The following LY96 variants were observed in gnomAD, a reference collection of about 807,000 sequenced individuals.
The protein encoded by LY96 is lymphocyte antigen 96.
In LY96, 18 loss-of-function variants were observed where a neutral mutation model predicts 18.9. The observed-to-expected ratio is 0.95, with a 90% CI of 0.66 to 1.41. The LOEUF (loss-of-function observed/expected upper bound fraction) is 1.41, where lower values mean the gene tolerates loss of function less well. LY96 is among the 40% of genes most tolerant of loss of function. The pLI, the probability that LY96 is intolerant of heterozygous loss-of-function variation, is 0.00. For synonymous variants in LY96, 66 were observed against 62.6 expected, an observed-to-expected ratio of 1.06 and a Z score of -0.26; for missense variants, 175 against 182.4, an observed-to-expected ratio of 0.96 and a Z score of 0.23.
Position 74,010,131 on chromosome 8 carries a change from T to A in LY96, c.331+2T>A. ...CTTTTTGCAGAGCTCTGAAGGGAGG[T>A]AAGTATTCAGTTCATATTACTTTTA... On this transcript the variant is annotated splice_donor_variant, in intron 3 of 4. Transcript: ENST00000284818. LOFTEE classifies it high-confidence loss of function. The A allele has an allele frequency of 6.2e-7, 1 of 1,611,646 alleles. No homozygotes were observed. The highest frequency in any genetic ancestry group is 8.5e-7 in the Non-Finnish European group (1 of 1,177,996).
Position 74,029,056 on chromosome 8 carries a change from A to G in LY96, c.*2A>G, listed in dbSNP as rs1198960901. 6.4e-7 allele frequency: 1 copy of G among 1,566,510 alleles called. No homozygotes were observed. The highest frequency in any genetic ancestry group is 8.8e-7 in the Non-Finnish European group (1 of 1,138,458). On this transcript the variant is annotated 3_prime_UTR_variant, in exon 5 of 5. Transcript: ENST00000284818. ...CTACACCAACCTAATTCAAATTAGAATAAATTGAGTATTTAAAAAAAAATT... is the reference window on the plus strand; with the variant it reads ...CTACACCAACCTAATTCAAATTAGAGTAAATTGAGTATTTAAAAAAAAATT...
intron 3 of LY96, among the ~76,000 whole-genome samples, chr8:74,014,196 G>T (rs1371133287): frequency 6.6e-6 from 1 of 151,604 alleles, no homozygotes; most frequent in Admixed American, 6.6e-5. Context: ...ACTTTGGGAG[G>T]CTGAGGCTAG....
At chr8:74,096,480 C>T in the LY96 span, among the ~76,000 whole-genome samples, 1 of 152,182 alleles carries the variant, frequency 6.6e-6, no homozygotes, top group East Asian at 1.9e-4. Context: ...ATCATGAACT[C>T]CCTCACTTAA....
the LY96 span, chr8:74,048,596 A>G: frequency 6.6e-6 from 1 of 152,340 alleles, no homozygotes; most frequent in African/African-American, 2.4e-5. Context: ...AAGGGAGGAA[A>G]CAGCTGCTGC....
chr8:74,081,477 T>C, the LY96 span, among the ~76,000 whole-genome samples: 1 of 151,730 alleles, frequency 6.6e-6, no homozygotes, highest in East Asian at 1.9e-4. Flanking sequence ...CCAACTGGTC[T>C]TGAGCTCCTG....
At chr8:74,079,364 A>G in the LY96 span, among the ~76,000 whole-genome samples, 1 of 152,178 alleles carries the variant, frequency 6.6e-6, no homozygotes, top group East Asian at 1.9e-4. Context: ...TGTCTCTCTA[A>G]GTATCTTACT....
the LY96 span, among the ~76,000 whole-genome samples, chr8:74,069,372 G>A: frequency 6.6e-5 from 10 of 152,112 alleles, no homozygotes; most frequent in African/African-American, 1.9e-4. Flanking sequence ...ACATTTTGTG[G>A]CTAGCATAGG....
At chr8:74,097,337 T>C in the LY96 span, among the ~76,000 whole-genome samples, 2 of 152,314 alleles carry the variant, frequency 1.3e-5, no homozygotes, top group African/African-American at 4.8e-5. Context: ...ACTTTCCTCC[T>C]CTGTAAAATT....
intron 3 of LY96, 43 bp from the exon 4 acceptor site, chr8:74,026,745 TA>T: frequency 8.8e-7 from 1 of 1,135,342 alleles, no homozygotes; most frequent in Non-Finnish European, 1.3e-6. Context: ...AAATATCACC[TA>T]ACCGTGACCA....
At chr8:74,072,779 C>T in the LY96 span, among the ~76,000 whole-genome samples, 1 of 152,034 alleles carries the variant, frequency 6.6e-6, no homozygotes, top group African/African-American at 2.4e-5. Flanking sequence ...ATAGGGAGGT[C>T]CTGGAAAAAG....
chr8:74,022,565 G>A (rs1443972641), intron 3 of LY96, among the ~76,000 whole-genome samples: 1 of 150,716 alleles, frequency 6.6e-6, no homozygotes, highest in Non-Finnish European at 1.5e-5. Context: ...AGAAATCTAG[G>A]GTTTTTTCTT....
chr8:73,993,935 G>A (rs1390189265), intron 1 of LY96, among the ~76,000 whole-genome samples: 1 of 151,972 alleles, frequency 6.6e-6, no homozygotes, highest in Non-Finnish European at 1.5e-5. Flanking sequence ...TTAAGTATAT[G>A]CACATTGCTG....
chr8:74,015,330 G>T (rs1816619707), intron 3 of LY96, among the ~76,000 whole-genome samples: 2 of 152,218 alleles, frequency 1.3e-5, no homozygotes, highest in South Asian at 4.1e-4. Context: ...CTGGAGTCCA[G>T]AAGTCTGAAA....
At chr8:74,002,074 C>T (rs58462416) in intron 1 of LY96, among the ~76,000 whole-genome samples, 5,745 of 15,636 alleles carry the variant, frequency 0.37, 1,057 homozygotes, top group African/African-American at 0.52. Context: ...TTCCTTCCTT[C>T]CTTTCTTTCT....
the LY96 span, among the ~76,000 whole-genome samples, chr8:74,073,273 G>T: frequency 3.9e-5 from 6 of 152,176 alleles, no homozygotes; most frequent in Non-Finnish European, 8.8e-5. Context: ...GCAGTTGCAG[G>T]TTCTGCTGTG....
chr8:74,034,621 T>C, the LY96 span, among the ~76,000 whole-genome samples: 33 of 152,290 alleles, frequency 2.2e-4, no homozygotes, highest in Admixed American at 1.4e-3. Flanking sequence ...TCAAAAATAT[T>C]GTTATTTATT....
the LY96 span, among the ~76,000 whole-genome samples, chr8:74,089,214 C>A: frequency 6.6e-6 from 1 of 152,248 alleles, no homozygotes; most frequent in East Asian, 1.9e-4. Context: ...CCTGTGAGAA[C>A]TGTTTATCTT....
At chr8:74,081,054 T>TC in the LY96 span, among the ~76,000 whole-genome samples, 1,443 of 128,672 alleles carry the variant, frequency 0.011, 31 homozygotes, top group African/African-American at 0.029. Context: ...TTCTTTTTCT[T>TC]TCTTTCTTTC....
chr8:74,033,843 T>C (rs1472489684), downstream of LY96, among the ~76,000 whole-genome samples: 1 of 152,196 alleles, frequency 6.6e-6, no homozygotes, highest in Non-Finnish European at 1.5e-5. Context: ...TATGACAATA[T>C]AGTTATTTGC....
Sources: gnomAD v4.1 joint callset for allele counts (sites outside exome capture counted in the v4.1 genomes callset) on GRCh38, gnomAD v4.1.1 for gene constraint, MANE v1.5 for transcripts, NCBI Gene and HGNC (gene_info 2026-07-23, HGNC 2026-07-21) for gene names.